The following CDC42SE2 variants were observed in gnomAD, a reference collection of about 807,000 sequenced individuals.
CDC42SE2 encodes CDC42 small effector 2, also known as CDC42 small effector protein 2.
A neutral mutation model predicts 11.5 loss-of-function variants in CDC42SE2; 3 were observed. The observed-to-expected ratio is 0.26, with a 90% CI of 0.12 to 0.67. CDC42SE2 has a LOEUF of 0.67. Ranked by LOEUF, CDC42SE2 falls within the 30% of genes least tolerant of loss-of-function variation. The pLI is 0.80. For missense variants in CDC42SE2, 82 were observed against 106.8 expected, an observed-to-expected ratio of 0.77 and a Z score of 1.02; for synonymous variants, 33 against 34.8, an observed-to-expected ratio of 0.95 and a Z score of 0.18.
intron 2 of CDC42SE2, among the ~76,000 whole-genome samples, chr5:131,346,869 A>C (rs921775605): frequency 6.6e-6 from 1 of 151,586 alleles, no homozygotes; most frequent in Admixed American, 6.6e-5. Context: ...TCACTCAACT[A>C]CATGGAAACT....
intron 3 of CDC42SE2, among the ~76,000 whole-genome samples, chr5:131,376,051 C>G (rs1306440177): frequency 6.6e-6 from 1 of 151,898 alleles, no homozygotes; most frequent in Non-Finnish European, 1.5e-5. Context: ...CCAGCCTGAC[C>G]AACATGGTGA....
At position 131,301,267 on chromosome 5, in the gene CDC42SE2, C is replaced by G. The variant is rs192717783; in HGVS notation, c.-454-14709C>G. Among the ~76,000 whole-genome samples the G allele has an allele frequency of 1.5e-3, 222 of 152,098 alleles. 11 individuals carry two copies. In the South Asian group the frequency reaches 0.045, roughly 31 times the overall value. ...GATAGGAGGAATACGTTCTAGTGTT[C>G]TATGGCCCGGGAGGATGACTATAGT... On this transcript the variant is annotated intron_variant, in intron 1 of 4. Transcript: ENST00000505065.
intron 2 of CDC42SE2, among the ~76,000 whole-genome samples, chr5:131,331,615 T>C (rs1190037911): frequency 2.0e-5 from 3 of 152,210 alleles, no homozygotes; most frequent in Non-Finnish European, 4.4e-5. Context: ...AGTTGGACTT[T>C]TCTTTATAAT....
chr5:131,221,167 C>T, the CDC42SE2 span, among the ~76,000 whole-genome samples: 2 of 152,070 alleles, frequency 1.3e-5, no homozygotes, highest in Non-Finnish European at 2.9e-5. Context: ...ATTACAGACG[C>T]CCAGCCTCAC....
At chr5:131,348,992 A>G (rs1758928896) in intron 2 of CDC42SE2, among the ~76,000 whole-genome samples, 1 of 152,240 alleles carries the variant, frequency 6.6e-6, no homozygotes, top group Non-Finnish European at 1.5e-5. Flanking sequence ...AATTAATTCA[A>G]GATGGATTAA....
At chr5:131,384,570 A>AATAAC (rs1222745629) in intron 3 of CDC42SE2, among the ~76,000 whole-genome samples, 5 of 152,140 alleles carry the variant, frequency 3.3e-5, no homozygotes, top group African/African-American at 1.2e-4. Context: ...GGTCTCTCCC[A>AATAAC]ATAACATTAT....
At chr5:131,311,976 G>A (rs1757927388) in intron 1 of CDC42SE2, among the ~76,000 whole-genome samples, 1 of 152,148 alleles carries the variant, frequency 6.6e-6, no homozygotes, top group Non-Finnish European at 1.5e-5. Flanking sequence ...GCTTTGTTCT[G>A]TTGCTGGTGA....
chr5:131,334,886 A>G (rs1034242232), intron 2 of CDC42SE2, among the ~76,000 whole-genome samples: 5 of 152,056 alleles, frequency 3.3e-5, no homozygotes, highest in African/African-American at 1.2e-4. Context: ...CTAGCGGTCT[A>G]TCAATTTTGT....
intron 1 of CDC42SE2, among the ~76,000 whole-genome samples, chr5:131,281,501 A>G (rs948131308): frequency 2.6e-5 from 4 of 152,208 alleles, no homozygotes; most frequent in African/African-American, 9.6e-5. Flanking sequence ...CAAATTCTAG[A>G]AAAGTGTTTA....
chr5:131,286,521 A>G (rs1165255990), intron 1 of CDC42SE2, among the ~76,000 whole-genome samples: 4 of 151,430 alleles, frequency 2.6e-5, no homozygotes, highest in African/African-American at 9.7e-5. Flanking sequence ...TTTACTAGGT[A>G]ATAAGGCTTT....
At chr5:131,232,587 A>T in the CDC42SE2 span, among the ~76,000 whole-genome samples, 2 of 151,878 alleles carry the variant, frequency 1.3e-5, no homozygotes, top group Middle Eastern at 3.2e-3. Flanking sequence ...ACCAAACATT[A>T]GCCAGGTGTG....
chr5:131,220,141 A>G, the CDC42SE2 span, among the ~76,000 whole-genome samples: 1 of 152,194 alleles, frequency 6.6e-6, no homozygotes, highest in African/African-American at 2.4e-5. Context: ...ATATGCTTAC[A>G]TTTAATTATG....
chr5:131,245,484 G>C (rs956196749), upstream of CDC42SE2: 3 of 152,192 alleles, frequency 2.0e-5, no homozygotes, highest in Non-Finnish European at 4.4e-5. Context: ...CTCACATAAT[G>C]TTTAACATAC....
At chr5:131,336,920 C>T (rs1758579814) in intron 2 of CDC42SE2, among the ~76,000 whole-genome samples, 1 of 152,100 alleles carries the variant, frequency 6.6e-6, no homozygotes, top group African/African-American at 2.4e-5. Context: ...TTCGAACTTC[C>T]TCCGTTAGCA....
intron 1 of CDC42SE2, among the ~76,000 whole-genome samples, chr5:131,310,242 T>C (rs1229564500): frequency 6.6e-6 from 1 of 152,004 alleles, no homozygotes; most frequent in African/African-American, 2.4e-5. Context: ...TCAGTTTCCA[T>C]GTAGTTGAGC....
intron 1 of CDC42SE2, among the ~76,000 whole-genome samples, chr5:131,284,312 TA>T (rs1416373232): frequency 1.3e-5 from 2 of 152,160 alleles, no homozygotes; most frequent in Non-Finnish European, 2.9e-5. Context: ...CCTTAATTTT[TA>T]ACAAAAAAGA....
chr5:131,331,989 T>C (rs767900450), intron 2 of CDC42SE2, among the ~76,000 whole-genome samples: 7 of 152,236 alleles, frequency 4.6e-5, no homozygotes, highest in Non-Finnish European at 8.8e-5. Flanking sequence ...TGTTATACTT[T>C]AAGTTTTAGG....
intron 1 of CDC42SE2, among the ~76,000 whole-genome samples, chr5:131,300,782 CAA>C (rs1436586334): frequency 8.0e-5 from 7 of 87,388 alleles, no homozygotes; most frequent in African/African-American, 8.4e-5. Flanking sequence ...GACTCCGTCT[CAA>C]AAAAAAAAAA....
chr5:131,393,169 T>G lies in CDC42SE2; in HGVS notation c.*2078T>G, dbSNP rs574695033. ...TAGGATTAACATTTCATATAACAAATGGGGCTTAATTAAAAACTTTAACTT... is the reference window on the plus strand; with the variant it reads ...TAGGATTAACATTTCATATAACAAAGGGGGCTTAATTAAAAACTTTAACTT... On this transcript the variant is annotated 3_prime_UTR_variant, in exon 5 of 5. Transcript: ENST00000505065. The G allele has an allele frequency of 5.2e-5, 8 of 152,480 alleles. No homozygotes were observed. In the East Asian group the frequency reaches 1.1e-3, roughly 21 times the overall value. The allele number at this position is 152,480 out of a possible 1,614,324, so 9.4% of individuals were successfully genotyped here.
Sources: allele counts gnomAD v4.1 joint callset (sites outside exome capture counted in the v4.1 genomes callset), GRCh38; gene constraint gnomAD v4.1.1; transcripts MANE v1.5; gene names NCBI Gene and HGNC (gene_info 2026-07-23, HGNC 2026-07-21).